The following TESK2 variants were observed in gnomAD, a reference collection of about 807,000 sequenced individuals.
TESK2 encodes dual specificity testis-specific protein kinase 2.
Under a neutral mutation model 57.1 loss-of-function variants are expected in TESK2, and 39 were observed. The observed-to-expected ratio is 0.68, with a 90% CI of 0.53 to 0.89. The LOEUF (loss-of-function observed/expected upper bound fraction) is 0.89. Among genes scored for constraint, TESK2 ranks in the 40% least tolerant of loss-of-function variants. The probability of loss-of-function intolerance (pLI) is 0.00; values close to 1 mark genes in which losing one functional copy is unlikely to be tolerated. For missense variants in TESK2, 646 were observed against 732.1 expected, an observed-to-expected ratio of 0.88 and a Z score of 1.36; for synonymous variants, 249 against 267.9, an observed-to-expected ratio of 0.93 and a Z score of 0.69.
At chr1:45,440,328 G>T (rs1651391881) in intron 2 of TESK2, among the ~76,000 whole-genome samples, 2 of 152,122 alleles carry the variant, frequency 1.3e-5, no homozygotes, top group South Asian at 4.1e-4. Context: ...AGGAGGGAAT[G>T]ATCAATCATG....
intron 2 of TESK2, among the ~76,000 whole-genome samples, chr1:45,442,218 G>A (rs890356528): frequency 6.6e-5 from 10 of 151,902 alleles, no homozygotes. Context: ...TTATAGGCGT[G>A]AGCCACCTCG....
At chr1:45,468,880 C>T (rs1652656286) in intron 1 of TESK2, among the ~76,000 whole-genome samples, 1 of 152,160 alleles carries the variant, frequency 6.6e-6, no homozygotes, top group South Asian at 2.1e-4. Context: ...TTGAGAAACA[C>T]TGTGTTAGAG....
intron 3 of TESK2, among the ~76,000 whole-genome samples, chr1:45,413,345 G>A (rs958228218): frequency 9.1e-4 from 138 of 152,102 alleles, no homozygotes; most frequent in African/African-American, 3.2e-3. Context: ...ATCTTAGGAG[G>A]AAGGGAGATA....
At position 45,347,054 on chromosome 1, in the gene TESK2, C is replaced by T. The variant is rs1013467971; in HGVS notation, c.717G>A (p.Val239=). Residue 239 remains valine (V), a synonymous_variant, in exon 8 of 11, where the codon GTG becomes GTA. Coordinates refer to ENST00000372086, the MANE Select transcript of TESK2 (RefSeq NM_007170.3). ...CGCAGAGGATGATACCATAAGAGAA[C>T]ACATCTGCCTGGTGGGTAGTCGGAC... ...RDEPYNEKAD[V]FSYGIILCEI... is the part of the protein sequence containing the mutation. 1.9e-6 allele frequency: 3 copies of T among 1,614,208 alleles called. No individual in the cohort carries two copies. The highest frequency in any genetic ancestry group is 3.3e-5 in the Admixed American group (2 of 60,028).
intron 3 of TESK2, among the ~76,000 whole-genome samples, chr1:45,394,641 TA>T (rs142204641): frequency 0.26 from 38,029 of 147,340 alleles, 5,135 homozygotes; most frequent in East Asian, 0.38. Flanking sequence ...AATGACTGTT[TA>T]TCACTGCTCT....
At chr1:45,369,890 T>G (rs912483883) in intron 4 of TESK2, among the ~76,000 whole-genome samples, 1 of 152,012 alleles carries the variant, frequency 6.6e-6, no homozygotes, top group African/African-American at 2.4e-5. Context: ...TTTTGTATTT[T>G]TAGTAGAGAT....
intron 1 of TESK2, among the ~76,000 whole-genome samples, chr1:45,458,241 G>A (rs1652191466): frequency 1.3e-5 from 2 of 152,122 alleles, no homozygotes; most frequent in South Asian, 2.1e-4. Context: ...ATTTCACAGA[G>A]AGATCAAGAA....
intron 4 of TESK2, among the ~76,000 whole-genome samples, chr1:45,364,404 A>G (rs1314368888): frequency 6.6e-6 from 1 of 152,190 alleles, no homozygotes; most frequent in Non-Finnish European, 1.5e-5. Context: ...CAAGCCAAAG[A>G]ACACCAAAAA....
chr1:45,463,245 A>G (rs2149301783), intron 1 of TESK2, among the ~76,000 whole-genome samples: 1 of 152,284 alleles, frequency 6.6e-6, no homozygotes, highest in East Asian at 1.9e-4. Context: ...TCATGTGATC[A>G]CATGTGTCCA....
At position 45,345,264 on chromosome 1, in the gene TESK2, T is replaced by C; in HGVS notation, c.1292A>G (p.Asp431Gly). ...KSVISLVFDL[D>G]APGPGTMPLA... is the part of the protein sequence containing the mutation. ...GGGCATAGTTCCGGGCCCTGGTGCA[T>C]CCAGGTCAAATACCAGAGAGATGAC... The change falls in exon 11 of 11, where the codon GAT becomes GGT. Residue 431 changes from aspartate (D) to glycine (G), a missense_variant. Coordinates refer to ENST00000372086, the MANE Select transcript of TESK2 (RefSeq NM_007170.3). The C allele has an allele frequency of 6.2e-7, 1 of 1,614,168 alleles. No homozygotes were observed. Among genetic ancestry groups the C allele is most frequent in the Non-Finnish European group, 8.5e-7 (1 of 1,180,040 alleles).
At chr1:45,431,724 C>G (rs1347378612) in intron 2 of TESK2, among the ~76,000 whole-genome samples, 1 of 152,158 alleles carries the variant, frequency 6.6e-6, no homozygotes, top group Non-Finnish European at 1.5e-5. Context: ...CAGAGGAAGT[C>G]ATCCTTCAGT....
chr1:45,347,312 T>A (rs1334601792), intron 7 of TESK2, among the ~76,000 whole-genome samples: 1 of 152,116 alleles, frequency 6.6e-6, no homozygotes, highest in Non-Finnish European at 1.5e-5. Flanking sequence ...ATGCCTGTAA[T>A]CCCAGCACTT....
At chr1:45,381,992 TC>T (rs1648673416) in intron 4 of TESK2, among the ~76,000 whole-genome samples, 1 of 150,212 alleles carries the variant, frequency 6.7e-6, no homozygotes, top group Non-Finnish European at 1.5e-5. Context: ...TGTCTCAGCC[TC>T]CCAAGTAGCT....
intron 2 of TESK2, among the ~76,000 whole-genome samples, chr1:45,454,209 C>T (rs1481094089): frequency 6.6e-6 from 1 of 151,890 alleles, no homozygotes; most frequent in East Asian, 1.9e-4. Context: ...CTAGGGTAGT[C>T]AAACTCTTAG....
Position 45,345,468 on chromosome 1 carries a change from C to G in TESK2, c.1088G>C (p.Trp363Ser). The change falls in exon 11 of 11, where the codon TGG becomes TCG. Residue 363 changes from tryptophan to serine, a missense_variant. Coordinates refer to ENST00000372086, the MANE Select transcript of TESK2 (RefSeq NM_007170.3). ...HKSPCPRRTI[W>S]LSRSQSDIFS... ...GATATCTGACTGGCTTCGAGACAGC[C>G]AGATGGTACGTCTTGGGCATGGTGA... 1 of 1,614,116 alleles carries G rather than the reference C, an allele frequency of 6.2e-7. No individual in the cohort carries two copies. The highest frequency in any genetic ancestry group is 8.5e-7 in the Non-Finnish European group (1 of 1,180,028).
chr1:45,359,870 A>G (rs913778214), intron 4 of TESK2, among the ~76,000 whole-genome samples: 1 of 152,174 alleles, frequency 6.6e-6, no homozygotes, highest in African/African-American at 2.4e-5. Flanking sequence ...TCTCAAAAAA[A>G]TAATAATAAA....
At chr1:45,371,060 C>A (rs1359247717) in intron 4 of TESK2, among the ~76,000 whole-genome samples, 1 of 151,730 alleles carries the variant, frequency 6.6e-6, no homozygotes. Flanking sequence ...CACCTCACAT[C>A]CATTAAGATA....
At chr1:45,353,754 C>G (rs1647297716) in intron 5 of TESK2, among the ~76,000 whole-genome samples, 1 of 152,270 alleles carries the variant, frequency 6.6e-6, no homozygotes, top group South Asian at 2.1e-4. Context: ...CATTAATAAT[C>G]AAACGGTACT....
At chr1:45,443,568 CAAAAAAAAAAAAA>C (rs34128016) in intron 2 of TESK2, among the ~76,000 whole-genome samples, 6 of 32,048 alleles carry the variant, frequency 1.9e-4, no homozygotes, top group South Asian at 1.9e-3. Flanking sequence ...AGATCCATCG[CAAAAAAAAAAAAA>C]AAAAAAAAAA....
Sources: gnomAD v4.1 joint callset for allele counts (sites outside exome capture counted in the v4.1 genomes callset) on GRCh38, gnomAD v4.1.1 for gene constraint, MANE v1.5 for transcripts, NCBI Gene and HGNC (gene_info 2026-07-23, HGNC 2026-07-21) for gene names.